FLNB: variants seen among roughly 807,000 people sequenced by gnomAD.
FLNB encodes filamin-B.
Under a neutral mutation model 250.6 loss-of-function variants are expected in FLNB, and 111 were observed. The observed-to-expected ratio is 0.44, with a 90% CI of 0.38 to 0.52. The LOEUF (loss-of-function observed/expected upper bound fraction) is 0.52. FLNB is among the 20% of genes least tolerant of loss of function. The pLI is 0.00. For synonymous variants in FLNB, 1,302 were observed against 1,372.1 expected (o/e 0.95, Z 1.13); for missense variants, 2,869 against 3,447.8 (o/e 0.83, Z 4.20).
intron 4 of FLNB, among the ~76,000 whole-genome samples, chr3:58,094,044 C>T (rs74846430): frequency 0.016 from 2,366 of 152,306 alleles, 54 homozygotes; most frequent in East Asian, 0.051. Context: ...ATTGTATCAA[C>T]GTCAATACCC....
chr3:58,121,596 A>C (rs2097288847), intron 20 of FLNB, 93 bp downstream of exon 20: 5 of 1,545,162 alleles, frequency 3.2e-6, no homozygotes, highest in Non-Finnish European at 4.4e-6. Context: ...AGACCTTCTG[A>C]AAATCGTTTT....
intron 5 of FLNB, among the ~76,000 whole-genome samples, chr3:58,095,938 C>T (rs982254377): frequency 1.8e-4 from 28 of 152,202 alleles, no homozygotes; most frequent in Non-Finnish European, 1.8e-4. Context: ...AGAGTCCTGA[C>T]TCTGTTATGC....
chr3:58,126,136 G>C (rs981245516), intron 23 of FLNB, among the ~76,000 whole-genome samples: 2 of 152,230 alleles, frequency 1.3e-5, no homozygotes, highest in South Asian at 4.1e-4. Context: ...CAGCACTTCA[G>C]GTGGCCGAGA....
At chr3:58,085,113 A>G (rs184468281) in intron 4 of FLNB, among the ~76,000 whole-genome samples, 123 of 152,312 alleles carry the variant, frequency 8.1e-4, no homozygotes, top group Non-Finnish European at 1.5e-3. Context: ...TCTTTTGGCT[A>G]TTGTGAATAA....
intron 32 of FLNB, among the ~76,000 whole-genome samples, chr3:58,145,496 G>A (rs2097334389): frequency 1.3e-5 from 2 of 152,126 alleles, no homozygotes; most frequent in East Asian, 3.8e-4. Flanking sequence ...AGTCGGGGTG[G>A]GCAGAGAAGA....
chr3:58,028,592 C>T (rs1394230061), intron 1 of FLNB, among the ~76,000 whole-genome samples: 1 of 146,394 alleles, frequency 6.8e-6, no homozygotes, highest in Non-Finnish European at 1.5e-5. Flanking sequence ...CTTATCTCTA[C>T]CAAAAAAAAT....
In FLNB at chr3:58,146,019, T is replaced by C. The variant is rs1178860596; in HGVS notation, c.5524T>C (p.Phe1842Leu). Residue 1842 changes from phenylalanine to leucine, a missense_variant, in exon 33 of 46, where the codon TTC (phenylalanine) becomes CTC (leucine). Phe to Leu is a conservative substitution (Grantham distance 22). Around this residue, in one of 5 missense-constraint regions of FLNB, gnomAD observed 1,084 missense variants for 1,315.5 expected, o/e 0.82. Coordinates refer to ENST00000295956, the MANE Select transcript of FLNB (RefSeq NM_001457.4). Reference protein sequence around the residue: ...VYGVANKTATFTIVTEDAGEG... With the variant: ...VYGVANKTATLTIVTEDAGEG... The stretch of plus-strand genomic sequence containing the variant: ...TGGAGTGGCCAACAAAACTGCCACC[T>C]TCACCATCGTCACAGAGGATGCAGG... 1.2e-6 allele frequency: 2 copies of C among 1,614,220 alleles called. No individual in the cohort carries two copies. Among genetic ancestry groups the C allele is most frequent in the Admixed American group, 1.7e-5 (1 of 60,030 alleles).
intron 26 of FLNB, among the ~76,000 whole-genome samples, chr3:58,134,393 C>A (rs1047822733): frequency 6.6e-6 from 1 of 152,144 alleles, no homozygotes; most frequent in South Asian, 2.1e-4. Context: ...GGTTGGGGAC[C>A]GCTGCCTTGG....
chr3:58,040,388 A>G (rs2097144386), intron 1 of FLNB, among the ~76,000 whole-genome samples: 2 of 152,272 alleles, frequency 1.3e-5, no homozygotes, highest in South Asian at 2.1e-4. Context: ...TTATGGAGCC[A>G]TTGGCCCTCT....
intron 1 of FLNB, among the ~76,000 whole-genome samples, chr3:58,030,032 A>G (rs1037956946): frequency 6.6e-6 from 1 of 152,188 alleles, no homozygotes; most frequent in Non-Finnish European, 1.5e-5. Context: ...GTAATCTTAC[A>G]CTTCCCCAAT....
At chr3:58,008,956 C>A in intron 1 of FLNB, 100 bp downstream of exon 1, 1 of 1,436,726 alleles carries the variant, frequency 7.0e-7, no homozygotes, top group Non-Finnish European at 9.8e-7. Context: ...CGCGCCCCCA[C>A]CTCGGAGATA....
intron 18 of FLNB, among the ~76,000 whole-genome samples, chr3:58,115,896 G>T (rs2097277037): frequency 6.6e-6 from 1 of 152,076 alleles, no homozygotes; most frequent in African/African-American, 2.4e-5. Flanking sequence ...GCTTGGAGCT[G>T]GGTTTATTGT....
At chr3:58,040,051 A>G (rs918289574) in intron 1 of FLNB, among the ~76,000 whole-genome samples, 4 of 152,178 alleles carry the variant, frequency 2.6e-5, no homozygotes, top group Non-Finnish European at 4.4e-5. Context: ...AGGCTGAGGC[A>G]GGAGAATTTC....
rs1209026695 is a variant in FLNB at position 58,097,993 on chromosome 3, TC to T, written c.1147+18del. On this transcript the variant is annotated intron_variant, in intron 7 of 45. Transcript: ENST00000295956. ...TATACGGCAGGTAACGTGCCTCTCC[TC>T]CATGGATCTGACCTTTGCGCTTTCT... 6.2e-7 allele frequency: 1 copy of T among 1,613,400 alleles called. No individual in the cohort carries two copies. The highest frequency in any genetic ancestry group is 8.5e-7 in the Non-Finnish European group (1 of 1,179,664).
At chr3:58,161,721 A>G (rs2097362070) in intron 42 of FLNB, among the ~76,000 whole-genome samples, 2 of 152,132 alleles carry the variant, frequency 1.3e-5, no homozygotes, top group African/African-American at 4.8e-5. Flanking sequence ...AAGGCGTCAA[A>G]TATTTCTGCT....
intron 1 of FLNB, among the ~76,000 whole-genome samples, chr3:58,031,020 A>G (rs1357503886): frequency 6.6e-6 from 1 of 152,214 alleles, no homozygotes. Context: ...AGTTTTACAT[A>G]TGTCATAAAA....
chr3:58,103,011 C>G (rs2097253570), intron 9 of FLNB, among the ~76,000 whole-genome samples: 1 of 152,086 alleles, frequency 6.6e-6, no homozygotes, highest in East Asian at 1.9e-4. Flanking sequence ...GGTGTAGCAG[C>G]CTTTGGTGGT....
intron 19 of FLNB, among the ~76,000 whole-genome samples, chr3:58,120,395 G>A (rs900089070): frequency 6.6e-6 from 1 of 152,258 alleles, no homozygotes; most frequent in Non-Finnish European, 1.5e-5. Flanking sequence ...CTCCTTGCCT[G>A]TGGTTCGGCA....
intron 6 of FLNB, among the ~76,000 whole-genome samples, chr3:58,097,334 A>G (rs2097240679): frequency 6.6e-6 from 1 of 152,180 alleles, no homozygotes; most frequent in African/African-American, 2.4e-5. Context: ...ATTACCCCCC[A>G]AAAATTTCAG....
Sources: gnomAD v4.1 joint callset for allele counts (sites outside exome capture counted in the v4.1 genomes callset) on GRCh38, gnomAD v4.1.1 for gene constraint, gnomAD v4.1.1 regional missense constraint, MANE v1.5 for transcripts, NCBI Gene and HGNC (gene_info 2026-07-23, HGNC 2026-07-21) for gene names.